SGCZ: variants seen among roughly 807,000 people sequenced by gnomAD.
SGCZ encodes sarcoglycan zeta, also known as zeta-sarcoglycan.
SGCZ carries 40 observed loss-of-function variants against 41.3 expected under a neutral mutation model. That is an observed-to-expected ratio of 0.97 (90% CI 0.75 to 1.26). The LOEUF (loss-of-function observed/expected upper bound fraction) is 1.26. Ranked by LOEUF, SGCZ falls within the 50% of genes most tolerant of loss-of-function variation. The probability of loss-of-function intolerance (pLI) is 0.00; values close to 1 mark genes in which losing one functional copy is unlikely to be tolerated. For missense variants in SGCZ, 552 were observed against 369.8 expected (o/e 1.49, Z -4.04); for synonymous variants, 206 against 137.5 (o/e 1.50, Z -3.49).
chr8:14,340,357 T>G (rs1802659013), intron 2 of SGCZ, among the ~76,000 whole-genome samples: 1 of 152,128 alleles, frequency 6.6e-6, no homozygotes, highest in Non-Finnish European at 1.5e-5. Context: ...CAGCAACAGT[T>G]TTATTGTTTT....
At chr8:14,984,373 CTGAT>C (rs373479346) in intron 1 of SGCZ, among the ~76,000 whole-genome samples, 6 of 152,040 alleles carry the variant, frequency 3.9e-5, no homozygotes, top group African/African-American at 1.2e-4. Context: ...CTACATTTCC[CTGAT>C]TGTCTTATGA....
intron 5 of SGCZ, among the ~76,000 whole-genome samples, chr8:14,137,509 G>A (rs922669475): frequency 6.6e-6 from 1 of 152,136 alleles, no homozygotes; most frequent in South Asian, 2.1e-4. Context: ...CTGAAACAAT[G>A]GCATGAGAAC....
At position 14,193,281 on chromosome 8, in the gene SGCZ, C is replaced by T. The variant is rs185334197; in HGVS notation, c.425-28579G>A. ...TGTGATATATTTTTTTCATTTTTAG[C>T]AGAGGCAAGCACAAATCATCATCTC... is the stretch of plus-strand genomic sequence containing the variant. On this transcript the variant is annotated intron_variant, in intron 4 of 7. Coordinates refer to ENST00000382080, the MANE Select transcript of SGCZ (RefSeq NM_139167.4). 1.3e-4 allele frequency among the ~76,000 whole-genome samples: 19 copies of T among 151,766 alleles called. No homozygotes were observed. The East Asian group carries it at 3.7e-3, about 29-fold the overall frequency.
chr8:14,593,108 T>G (rs1805292375), intron 1 of SGCZ, among the ~76,000 whole-genome samples: 1 of 152,108 alleles, frequency 6.6e-6, no homozygotes, highest in African/African-American at 2.4e-5. Context: ...GATGTCCAGA[T>G]TCCAATGCCT....
intron 4 of SGCZ, among the ~76,000 whole-genome samples, chr8:14,189,019 CT>C (rs60448346): frequency 1.1e-4 from 15 of 142,386 alleles, no homozygotes; most frequent in Non-Finnish European, 9.1e-5. Context: ...CCACGCCCAG[CT>C]TTTTTTTTTT....
At chr8:14,561,834 A>T (rs1163240524) in intron 1 of SGCZ, among the ~76,000 whole-genome samples, 1 of 152,182 alleles carries the variant, frequency 6.6e-6, no homozygotes, top group Non-Finnish European at 1.5e-5. Flanking sequence ...TGTAAATAAC[A>T]TTTCTGGCAA....
chr8:14,784,396 T>G, intron 1 of SGCZ, among the ~76,000 whole-genome samples: 1 of 92,278 alleles, frequency 1.1e-5, no homozygotes, highest in East Asian at 3.4e-4. Flanking sequence ...ATTGATTTCA[T>G]GTCACATATA....
At chr8:14,265,223 G>A (rs1799829805) in intron 3 of SGCZ, among the ~76,000 whole-genome samples, 3 of 152,106 alleles carry the variant, frequency 2.0e-5, no homozygotes, top group African/African-American at 7.2e-5. Flanking sequence ...CCAGTCATTG[G>A]CACTCAAGGC....
chr8:15,181,867 G>C (rs1800190124), intron 1 of SGCZ, among the ~76,000 whole-genome samples: 1 of 152,022 alleles, frequency 6.6e-6, no homozygotes, highest in African/African-American at 2.4e-5. Flanking sequence ...GAGATTATTT[G>C]GGGAGGTGAA....
At chr8:14,960,499 T>C (rs148622077) in intron 1 of SGCZ, among the ~76,000 whole-genome samples, 2 of 152,262 alleles carry the variant, frequency 1.3e-5, no homozygotes, top group East Asian at 1.9e-4. Context: ...CAATCTCTGT[T>C]GTATGCCACT....
rs574320704 is a variant in SGCZ, at chr8:14,338,307, C to T, written c.235-14103G>A. Among the ~76,000 whole-genome samples, 11 of 152,300 alleles carry T rather than the reference C, an allele frequency of 7.2e-5. No homozygotes were observed. The South Asian group carries it at 1.9e-3, about 26-fold the overall frequency. On this transcript the variant is annotated intron_variant, in intron 2 of 7. Transcript: ENST00000382080. The stretch of plus-strand genomic sequence containing the variant: ...GGATTTGCCCCAACTATTAGGAGCA[C>T]CAACAATAGAAAACTTAGTTGGCAT...
At chr8:15,010,024 T>C (rs890549591) in intron 1 of SGCZ, among the ~76,000 whole-genome samples, 1 of 152,110 alleles carries the variant, frequency 6.6e-6, no homozygotes, top group East Asian at 1.9e-4. Flanking sequence ...TATGTGTTAG[T>C]GTATATTTTT....
chr8:14,882,527 T>C (rs184675934), intron 1 of SGCZ, among the ~76,000 whole-genome samples: 113 of 152,262 alleles, frequency 7.4e-4, no homozygotes, highest in Non-Finnish European at 1.3e-3. Context: ...ATTACTGCTA[T>C]GTAATAAAGA....
At chr8:14,678,428 T>C (rs1585175923) in intron 1 of SGCZ, among the ~76,000 whole-genome samples, 1 of 152,196 alleles carries the variant, frequency 6.6e-6, no homozygotes, top group South Asian at 2.1e-4. Context: ...AATAACCATA[T>C]GACAAGATGC....
intron 2 of SGCZ, among the ~76,000 whole-genome samples, chr8:14,348,126 C>T (rs533707328): frequency 6.6e-6 from 1 of 152,014 alleles, no homozygotes; most frequent in Non-Finnish European, 1.5e-5. Context: ...ATCTGCAACT[C>T]AGCTGTAACC....
intron 2 of SGCZ, among the ~76,000 whole-genome samples, chr8:14,426,094 A>G (rs1269649490): frequency 6.6e-6 from 1 of 152,120 alleles, no homozygotes; most frequent in East Asian, 1.9e-4. Context: ...CCTTCAACAA[A>G]TGTTTATTGA....
At chr8:15,096,351 G>A (rs1013033447) in intron 1 of SGCZ, among the ~76,000 whole-genome samples, 72 of 152,068 alleles carry the variant, frequency 4.7e-4, no homozygotes, top group African/African-American at 1.5e-3. Context: ...ATCTCCCAAA[G>A]TGCTGAGATG....
chr8:15,025,971 T>C (rs558065939), intron 1 of SGCZ, among the ~76,000 whole-genome samples: 3 of 152,252 alleles, frequency 2.0e-5, no homozygotes, highest in East Asian at 3.9e-4. Context: ...ATTACATATA[T>C]CATAGAGTCT....
At chr8:15,068,063 T>C (rs1585530565) in intron 1 of SGCZ, among the ~76,000 whole-genome samples, 1 of 152,198 alleles carries the variant, frequency 6.6e-6, no homozygotes, top group Non-Finnish European at 1.5e-5. Flanking sequence ...TCATAGGACA[T>C]ACGAGCAGTG....
Sources: gnomAD v4.1 joint callset for allele counts (sites outside exome capture counted in the v4.1 genomes callset) on GRCh38, gnomAD v4.1.1 for gene constraint, MANE v1.5 for transcripts, NCBI Gene and HGNC (gene_info 2026-07-23, HGNC 2026-07-21) for gene names.